AHCYL2: variants seen among roughly 807,000 people sequenced by gnomAD.
AHCYL2 encodes S-adenosylhomocysteine hydrolase-like protein 2.
AHCYL2 carries 28 observed loss-of-function variants against 81.4 expected under a neutral mutation model. The observed-to-expected ratio is 0.34, with a 90% confidence interval of 0.25 to 0.47. The LOEUF (loss-of-function observed/expected upper bound fraction) is 0.47. Among genes scored for constraint, AHCYL2 ranks in the 20% least tolerant of loss-of-function variants. AHCYL2 has a pLI of 1.00. For synonymous variants in AHCYL2, 272 were observed against 290.2 expected, an observed-to-expected ratio of 0.94 and a Z score of 0.64; for missense variants, 551 against 785.1, an observed-to-expected ratio of 0.70 and a Z score of 3.56.
intron 2 of AHCYL2, among the ~76,000 whole-genome samples, chr7:129,384,041 A>T (rs1368740950): frequency 6.6e-6 from 1 of 152,154 alleles, no homozygotes; most frequent in Non-Finnish European, 1.5e-5. Context: ...TATGTTAATT[A>T]TCTCTGTTGA....
chr7:129,344,504 A>T (rs943127116), intron 1 of AHCYL2, among the ~76,000 whole-genome samples: 1 of 152,260 alleles, frequency 6.6e-6, no homozygotes, highest in East Asian at 1.9e-4. Context: ...TTATGATTCC[A>T]TATGATTTGT....
At chr7:129,388,450 C>T (rs1181026486) in intron 2 of AHCYL2, among the ~76,000 whole-genome samples, 3 of 152,150 alleles carry the variant, frequency 2.0e-5, no homozygotes, top group Non-Finnish European at 4.4e-5. Context: ...AAATGCCTAA[C>T]GCCAGACCTA....
At chr7:129,399,606 G>A (rs1795926711) in intron 5 of AHCYL2, among the ~76,000 whole-genome samples, 2 of 152,218 alleles carry the variant, frequency 1.3e-5, no homozygotes, top group South Asian at 2.1e-4. Context: ...TAATAATAGG[G>A]TGGAATGATT....
intron 1 of AHCYL2, among the ~76,000 whole-genome samples, chr7:129,361,953 T>C (rs1793944491): frequency 6.6e-6 from 1 of 152,178 alleles, no homozygotes; most frequent in Non-Finnish European, 1.5e-5. Flanking sequence ...TTAATAGCCC[T>C]ATTTTACAGA....
chr7:129,310,976 C>G (rs1797635596), intron 1 of AHCYL2, among the ~76,000 whole-genome samples: 1 of 151,636 alleles, frequency 6.6e-6, no homozygotes, highest in Non-Finnish European at 1.5e-5. Context: ...GGTGTGGTGG[C>G]TCACACCTGC....
intron 1 of AHCYL2, among the ~76,000 whole-genome samples, chr7:129,321,185 A>G (rs184707826): frequency 3.6e-4 from 54 of 151,798 alleles, no homozygotes; most frequent in Non-Finnish European, 6.2e-4. Flanking sequence ...TTTTTATTGC[A>G]CTGATTAGAA....
intron 1 of AHCYL2, among the ~76,000 whole-genome samples, chr7:129,289,921 T>C (rs1184775882): frequency 6.6e-6 from 1 of 151,996 alleles, no homozygotes; most frequent in Non-Finnish European, 1.5e-5. Flanking sequence ...TAGCTGGGAT[T>C]ACAGCCATGC....
At chr7:129,422,449 C>G (rs1797161217) in intron 12 of AHCYL2, among the ~76,000 whole-genome samples, 1 of 152,196 alleles carries the variant, frequency 6.6e-6, no homozygotes, top group Non-Finnish European at 1.5e-5. Flanking sequence ...TATTAATTTG[C>G]ACTTGTTTGC....
At chr7:129,315,951 C>T (rs1436148423) in intron 1 of AHCYL2, among the ~76,000 whole-genome samples, 2 of 152,106 alleles carry the variant, frequency 1.3e-5, no homozygotes, top group Admixed American at 1.3e-4. Context: ...GTTTCAGAGG[C>T]GGAAGAGGAG....
chr7:129,356,697 G>T (rs1179047759), intron 1 of AHCYL2, among the ~76,000 whole-genome samples: 2 of 152,162 alleles, frequency 1.3e-5, no homozygotes, highest in Non-Finnish European at 2.9e-5. Context: ...TTTAGGAACT[G>T]TGTAGGCCCT....
intron 1 of AHCYL2, among the ~76,000 whole-genome samples, chr7:129,253,980 T>G (rs1795327353): frequency 8.5e-5 from 13 of 152,232 alleles, no homozygotes; most frequent in Admixed American, 8.5e-4. Context: ...GAACTTGAAT[T>G]CTTGTTCTGT....
chr7:129,420,370 CT>C (rs1327367793), intron 12 of AHCYL2, among the ~76,000 whole-genome samples: 2 of 152,104 alleles, frequency 1.3e-5, no homozygotes, highest in Non-Finnish European at 2.9e-5. Context: ...CCAAGAGTAT[CT>C]CTTGACTCTT....
intron 2 of AHCYL2, among the ~76,000 whole-genome samples, chr7:129,384,495 T>C (rs1242370823): frequency 2.0e-5 from 3 of 151,952 alleles, no homozygotes; most frequent in Non-Finnish European, 4.4e-5. Context: ...TCAGAGACGT[T>C]ATACTTTTAT....
At chr7:129,377,723 A>C (rs908239117) in intron 1 of AHCYL2, 3 of 406,384 alleles carry the variant, frequency 7.4e-6, no homozygotes, top group African/African-American at 4.2e-5. Context: ...AAAACAAAAA[A>C]GTTATTAGTT....
chr7:129,253,654 C>G (rs748107823), intron 1 of AHCYL2, among the ~76,000 whole-genome samples: 55 of 152,094 alleles, frequency 3.6e-4, no homozygotes, highest in Non-Finnish European at 1.3e-4. Context: ...CTCTGTTGCC[C>G]TGGTTGGGGT....
chr7:129,368,660 G>A lies in AHCYL2; in HGVS notation c.364-10978G>A. The A allele has an allele frequency of 1.5e-6, 2 of 1,366,002 alleles. No individual in the cohort carries two copies. Among genetic ancestry groups the A allele is most frequent in the Non-Finnish European group, 2.1e-6 (2 of 964,614 alleles). 84.6% of individuals were successfully genotyped at this position (1,366,002 alleles called of 1,614,324 possible). On this transcript the variant is annotated intron_variant, in intron 1 of 16. Transcript: ENST00000325006. The surrounding 1 kb of genome is among the most constrained non-coding windows in gnomAD (Gnocchi z 4.4). ...CTGAGAAGCTCCTACCAAGATCCGT[G>A]GTTGGAAAAACAGTTATTACTCTAC...
At chr7:129,412,001 T>A (rs1796602083) in intron 11 of AHCYL2, among the ~76,000 whole-genome samples, 1 of 152,188 alleles carries the variant, frequency 6.6e-6, no homozygotes, top group African/African-American at 2.4e-5. Context: ...TTTTTTCAGT[T>A]CCCTTGGGTG....
intron 1 of AHCYL2, among the ~76,000 whole-genome samples, chr7:129,335,373 TA>T (rs757453356): frequency 5.9e-3 from 729 of 122,888 alleles, no homozygotes; most frequent in Middle Eastern, 9.3e-3. Flanking sequence ...AGACCCTGTC[TA>T]AAAAAAAAAA....
At chr7:129,363,655 A>G (rs1438782103) in intron 1 of AHCYL2, among the ~76,000 whole-genome samples, 1 of 152,122 alleles carries the variant, frequency 6.6e-6, no homozygotes, top group Non-Finnish European at 1.5e-5. Context: ...TCCCTGCCTC[A>G]GCCTCCTGAG....
Sources: allele counts gnomAD v4.1 joint callset (sites outside exome capture counted in the v4.1 genomes callset), GRCh38; gene constraint gnomAD v4.1.1; non-coding constraint Gnocchi (gnomAD v3.1); transcripts MANE v1.5; gene names NCBI Gene and HGNC (gene_info 2026-07-23, HGNC 2026-07-21).